Variants in NTRK2 observed in about 807,000 individuals in gnomAD.
NTRK2 encodes the protein BDNF/NT-3 growth factors receptor.
Under a neutral mutation model 94.5 loss-of-function variants are expected in NTRK2, and 13 were observed. The observed-to-expected ratio is 0.14, with a 90% CI of 0.09 to 0.22. The LOEUF (loss-of-function observed/expected upper bound fraction) is 0.22, where lower values mean the gene tolerates loss of function less well. Ranked by LOEUF, NTRK2 falls within the 10% of genes least tolerant of loss-of-function variation. NTRK2 has a pLI of 1.00. For missense variants in NTRK2, 639 were observed against 1,071.2 expected (o/e 0.60, Z 5.63); for synonymous variants, 372 against 407.4 (o/e 0.91, Z 1.05).
chr9:84,894,510 T>G (rs773994959), intron 14 of NTRK2, among the ~76,000 whole-genome samples: 6 of 152,054 alleles, frequency 3.9e-5, no homozygotes, highest in Non-Finnish European at 5.9e-5. Context: ...ACAGGAAGAT[T>G]CCCCCACCAT....
rs534163779 is a variant in NTRK2 at position 84,730,666 on chromosome 9, G to A, written c.1159+2707G>A. On this transcript the variant is annotated intron_variant, in intron 9 of 18. Transcript: ENST00000277120. ...TGAGGCAGGAGAATGGCGTGAACCC[G>A]GGAGGCGGAGCTTGCAGTGAGCCGA... Among the ~76,000 whole-genome samples the A allele has an allele frequency of 2.7e-3, 364 of 137,264 alleles. 34 individuals are homozygous for A. Among genetic ancestry groups the A allele is most frequent in the African/African-American group, 0.011 (348 of 33,116 alleles). The allele number at this position is 137,264 out of a possible 152,430, so 90.1% of individuals were successfully genotyped here.
chr9:84,998,158 A>G lies in NTRK2; in HGVS notation c.2173-22048A>G, dbSNP rs957641737. Among the ~76,000 whole-genome samples the G allele has an allele frequency of 3.3e-5, 5 of 152,272 alleles. No individual in the cohort carries two copies. The East Asian group carries it at 9.7e-4, about 29-fold the overall frequency. On this transcript the variant is annotated intron_variant, in intron 17 of 18. Transcript: ENST00000277120. ...GAAGCCTGAAAATAAATGATCCCCT[A>G]TTCTTCCCATCAAACAGGCTTTCCT...
chr9:84,874,818 C>T (rs2076005319), intron 14 of NTRK2: 3 of 1,057,966 alleles, frequency 2.8e-6, no homozygotes, highest in African/African-American at 1.6e-5. Flanking sequence ...TGAGGCAGTT[C>T]CTGTTATGTG....
intron 4 of NTRK2, among the ~76,000 whole-genome samples, chr9:84,706,858 C>T (rs1385415916): frequency 6.6e-6 from 1 of 152,078 alleles, no homozygotes; most frequent in Non-Finnish European, 1.5e-5. Flanking sequence ...AACTCTCAAC[C>T]CAACACTTGC....
intron 12 of NTRK2, among the ~76,000 whole-genome samples, chr9:84,843,016 A>G (rs1027831407): frequency 1.3e-5 from 2 of 152,096 alleles, no homozygotes; most frequent in African/African-American, 4.8e-5. Flanking sequence ...ACTTTGCTTC[A>G]TTTGCTGTCT....
intron 14 of NTRK2, among the ~76,000 whole-genome samples, chr9:84,905,839 G>A (rs1400025327): frequency 1.3e-5 from 2 of 152,162 alleles, no homozygotes; most frequent in African/African-American, 2.4e-5. Context: ...ATGGGGAAAC[G>A]ATAAATGTGA....
intron 12 of NTRK2, among the ~76,000 whole-genome samples, chr9:84,799,893 C>T (rs548663921): frequency 2.3e-4 from 35 of 152,234 alleles, no homozygotes; most frequent in East Asian, 2.1e-3. Flanking sequence ...TCATTACCAA[C>T]GCAAGTCCCT....
intron 13 of NTRK2, among the ~76,000 whole-genome samples, chr9:84,863,752 T>C (rs1266963466): frequency 1.3e-5 from 2 of 152,246 alleles, no homozygotes; most frequent in African/African-American, 2.4e-5. Context: ...ACATCAATAA[T>C]GAAGAAAACA....
intron 12 of NTRK2, among the ~76,000 whole-genome samples, chr9:84,846,576 ATAT>A (rs1203023178): frequency 6.6e-6 from 1 of 152,234 alleles, no homozygotes; most frequent in Non-Finnish European, 1.5e-5. Flanking sequence ...TAGATGATGT[ATAT>A]TAAAAGTGAT....
intron 17 of NTRK2, among the ~76,000 whole-genome samples, chr9:84,991,462 C>T (rs1328434190): frequency 6.6e-6 from 1 of 152,182 alleles, no homozygotes; most frequent in Non-Finnish European, 1.5e-5. Context: ...TCCAGTGGCA[C>T]ATTAGCAGGG....
intron 13 of NTRK2, among the ~76,000 whole-genome samples, chr9:84,865,876 C>T (rs559647256): frequency 1.7e-4 from 26 of 152,310 alleles, no homozygotes; most frequent in Non-Finnish European, 3.1e-4. Flanking sequence ...GAGCCACTGC[C>T]GTCTTCGTTG....
At chr9:84,770,251 C>A (rs772125532) in intron 12 of NTRK2, among the ~76,000 whole-genome samples, 13 of 152,028 alleles carry the variant, frequency 8.6e-5, no homozygotes, top group Non-Finnish European at 1.3e-4. Context: ...TCCCTCAACC[C>A]TTTGCCAGGT....
At chr9:84,689,886 G>A (rs983239284) in intron 2 of NTRK2, among the ~76,000 whole-genome samples, 2 of 152,064 alleles carry the variant, frequency 1.3e-5, no homozygotes, top group African/African-American at 4.8e-5. Flanking sequence ...TTTTTGAACA[G>A]TAATATATCC....
intron 14 of NTRK2, among the ~76,000 whole-genome samples, chr9:84,868,144 G>A (rs2132070451): frequency 6.6e-6 from 1 of 152,262 alleles, no homozygotes; most frequent in African/African-American, 2.4e-5. Flanking sequence ...AACCCACAGT[G>A]GACAAACAGG....
chr9:84,733,896 T>G (rs1360038006), intron 9 of NTRK2, among the ~76,000 whole-genome samples: 2 of 152,240 alleles, frequency 1.3e-5, no homozygotes, highest in East Asian at 3.8e-4. Flanking sequence ...AACTTTCACT[T>G]ATTCTCAATT....
chr9:84,741,655 CT>C (rs1564167568), intron 9 of NTRK2, among the ~76,000 whole-genome samples: 2 of 152,118 alleles, frequency 1.3e-5, no homozygotes, highest in Non-Finnish European at 2.9e-5. Context: ...AATTTGTGAT[CT>C]TTTTTTGTGA....
chr9:84,838,154 T>C (rs981762946), intron 12 of NTRK2, among the ~76,000 whole-genome samples: 2 of 152,130 alleles, frequency 1.3e-5, no homozygotes, highest in Non-Finnish European at 2.9e-5. Flanking sequence ...TTAGCAATAA[T>C]GTTAGACAAT....
intron 14 of NTRK2, among the ~76,000 whole-genome samples, chr9:84,881,378 C>T (rs1193404103): frequency 6.6e-6 from 1 of 152,102 alleles, no homozygotes; most frequent in African/African-American, 2.4e-5. Flanking sequence ...ATCAGGAAGT[C>T]ACGTCTCACC....
chr9:84,673,505 T>C (rs1367372568), intron 2 of NTRK2, among the ~76,000 whole-genome samples: 1 of 152,200 alleles, frequency 6.6e-6, no homozygotes, highest in African/African-American at 2.4e-5. Context: ...AAAATAGAAA[T>C]AATGTGGTGA....
Sources: gnomAD v4.1 joint callset for allele counts (sites outside exome capture counted in the v4.1 genomes callset) on GRCh38, gnomAD v4.1.1 for gene constraint, MANE v1.5 for transcripts, NCBI Gene and HGNC (gene_info 2026-07-23, HGNC 2026-07-21) for gene names.